PRL: variants seen among roughly 807,000 people sequenced by gnomAD.
PRL encodes the protein prolactin.
Under a neutral mutation model 21.3 loss-of-function variants are expected in PRL, and 24 were observed. The ratio of observed to expected loss-of-function variants is 1.13; its 90% confidence interval spans 0.82 to 1.59. The LOEUF is 1.59. Ranked by LOEUF, PRL falls within the 40% of genes most tolerant of loss-of-function variation. PRL has a pLI of 0.00. For synonymous variants in PRL, 118 were observed against 115.7 expected (o/e 1.02, Z -0.13); for missense variants, 243 against 286.9 (o/e 0.85, Z 1.10).
upstream of PRL, among the ~76,000 whole-genome samples, chr6:22,299,024 T>A (rs1376224341): frequency 2.6e-5 from 4 of 152,188 alleles, no homozygotes; most frequent in African/African-American, 4.8e-5. Flanking sequence ...TTCCTGTGAA[T>A]GGAATATTGA....
intron 4 of PRL, 134 bp from the exon 5 acceptor site, chr6:22,287,727 G>T (rs1760953232): frequency 2.5e-6 from 2 of 785,122 alleles, no homozygotes; most frequent in Non-Finnish European, 3.8e-6. Flanking sequence ...AATGATTTTT[G>T]TATATCTGGG....
At position 22,292,577 on chromosome 6, in the gene PRL, A is replaced by G; in HGVS notation, c.273T>C (p.Leu91=). ...CTTGCTCCTTGTCTTCGGGGGTGGC[A>G]AGGGAAGAAGTGTGGCAGCTGTTGA... ...KAINSCHTSS[L]ATPEDKEQAQ... is the part of the protein sequence containing the mutation. Residue 91 remains leucine, a synonymous_variant, in exon 3 of 5, where the codon CTT becomes CTC. Transcript: ENST00000306482. 1 of 1,614,132 alleles carries G rather than the reference A, an allele frequency of 6.2e-7. No individual in the cohort carries two copies. Among genetic ancestry groups the G allele is most frequent in the East Asian group, 2.2e-5 (1 of 44,860 alleles).
At chr6:22,293,726 C>A (rs1182302240) in intron 2 of PRL, among the ~76,000 whole-genome samples, 4 of 31,446 alleles carry the variant, frequency 1.3e-4, no homozygotes, top group Non-Finnish European at 1.2e-4. Flanking sequence ...AAGGAGGGAA[C>A]AAGGGAGGGA....
chr6:22,302,298 C>A (rs543624177), upstream of PRL, among the ~76,000 whole-genome samples: 1 of 146,598 alleles, frequency 6.8e-6, no homozygotes, highest in African/African-American at 2.5e-5. Context: ...ACACCCAGAA[C>A]ACAAGACATT....
At chr6:22,297,452 A>T, upstream of PRL, 1 of 155,118 alleles carries the variant, frequency 6.4e-6, no homozygotes, top group Non-Finnish European at 1.4e-5. Flanking sequence ...ATTGCTAGGT[A>T]AAGATTTTAA....
chr6:22,288,482 C>T lies in PRL; in HGVS notation c.493-889G>A, dbSNP rs984446169. ...CCCAGGAGGCAGAGATTGTGGTGAG[C>T]CGAGATGACACCACTACACTCCAGC... On this transcript the variant is annotated intron_variant, in intron 4 of 4. Coordinates refer to ENST00000306482, the MANE Select transcript of PRL (RefSeq NM_000948.6). This position sits in a 1 kb window ranked among gnomAD's most constrained non-coding sequence, Gnocchi z 4.5. 3.3e-5 allele frequency among the ~76,000 whole-genome samples: 5 copies of T among 151,806 alleles called. No homozygotes were observed. Among genetic ancestry groups the T allele is most frequent in the Non-Finnish European group, 5.9e-5 (4 of 67,964 alleles).
At chr6:22,298,148 T>C (rs1761215485), upstream of PRL, among the ~76,000 whole-genome samples, 1 of 152,198 alleles carries the variant, frequency 6.6e-6, no homozygotes, top group Admixed American at 6.5e-5. Context: ...GCCAGTAATT[T>C]CCACTCTTTT....
At position 22,294,556 on chromosome 6, in the gene PRL, G is replaced by T. The variant is rs960230895; in HGVS notation, c.57C>A (p.Asn19Lys). Residue 19 changes from asparagine (N) to lysine (K), a missense_variant, in exon 2 of 5, where the codon AAC (asparagine) becomes AAA (lysine). By Grantham distance (94) the Asn-to-Lys change is moderately conservative. Transcript: ENST00000306482. Reference protein sequence around the residue: ...KGSLLLLLVSNLLLCQSVAPL... With the variant: ...KGSLLLLLVSKLLLCQSVAPL... ...GGGCCACGCTCTGGCACAGGAGCAG[G>T]TTTGACACCAGCAGCAGCAGGAGGG... is the stretch of plus-strand genomic sequence containing the variant. 1.9e-6 allele frequency: 3 copies of T among 1,610,276 alleles called. No homozygotes were observed. Among genetic ancestry groups the T allele is most frequent in the East Asian group, 2.2e-5 (1 of 44,798 alleles).
Position 22,294,513 on chromosome 6 carries a change from C to A in PRL, c.100G>T (p.Gly34Cys), listed in dbSNP as rs1306019408. ...QSVAPLPICP[G>C]GAARCQVTLR... ...GTCACCTGGCATCGGGCAGCCCCGC[C>A]GGGACAGATGGGCAAGGGGGCCACG... Residue 34 changes from glycine (G) to cysteine (C), a missense_variant, in exon 2 of 5, where the codon GGC becomes TGC. Physicochemically the swap from Gly to Cys is radical, Grantham distance 159. Transcript: ENST00000306482. 1.9e-6 allele frequency: 3 copies of A among 1,613,924 alleles called. No homozygotes were observed. Among genetic ancestry groups the A allele is most frequent in the Non-Finnish European group, 8.5e-7 (1 of 1,180,012 alleles).
upstream of PRL, among the ~76,000 whole-genome samples, chr6:22,302,280 ACACT>A (rs1761295481): frequency 6.6e-6 from 1 of 151,978 alleles, no homozygotes; most frequent in African/African-American, 2.4e-5. Context: ...ATACGCACAC[ACACT>A]CACACACCCA....
intron 2 of PRL, among the ~76,000 whole-genome samples, chr6:22,293,511 G>A (rs1245006725): frequency 1.3e-5 from 2 of 151,162 alleles, no homozygotes; most frequent in Non-Finnish European, 2.9e-5. Context: ...ACCTAGAAGA[G>A]TTAACCTATG....
At chr6:22,296,479 G>C (rs1761175698) in intron 1 of PRL, among the ~76,000 whole-genome samples, 1 of 152,222 alleles carries the variant, frequency 6.6e-6, no homozygotes, top group Non-Finnish European at 1.5e-5. Flanking sequence ...ATCCACATTA[G>C]AGGCCTGATA....
upstream of PRL, among the ~76,000 whole-genome samples, chr6:22,301,103 C>T (rs1761273991): frequency 6.6e-6 from 1 of 152,140 alleles, no homozygotes; most frequent in Non-Finnish European, 1.5e-5. Context: ...TGAAAGGTTC[C>T]TCACACTTCA....
At chr6:22,292,981 T>C (rs75493272) in intron 2 of PRL, among the ~76,000 whole-genome samples, 7,078 of 152,292 alleles carry the variant, frequency 0.046, 429 homozygotes, top group East Asian at 0.25. Context: ...CATTAAATGT[T>C]GTATTGAGAA....
intron 2 of PRL, among the ~76,000 whole-genome samples, chr6:22,293,455 G>T (rs1761096915): frequency 1.3e-5 from 2 of 152,050 alleles, no homozygotes. Flanking sequence ...CTCTGTGGAG[G>T]CCCTTGATTT....
upstream of PRL, among the ~76,000 whole-genome samples, chr6:22,299,669 T>C (rs796183924): frequency 3.9e-5 from 6 of 152,218 alleles, no homozygotes; most frequent in African/African-American, 1.4e-4. Context: ...TGAAACCCTG[T>C]ATCTACTAAA....
Position 22,288,094 on chromosome 6 carries a change from C to T in PRL, c.493-501G>A, listed in dbSNP as rs138462037. On this transcript the variant is annotated intron_variant, in intron 4 of 4. Coordinates refer to ENST00000306482, the MANE Select transcript of PRL (RefSeq NM_000948.6). The surrounding 1 kb of genome is among the most constrained non-coding windows in gnomAD (Gnocchi z 4.5). The stretch of plus-strand genomic sequence containing the variant: ...ATGAAGATTGTACTCACACTTGATG[C>T]TTTGGGGTACAGATAATTTAGTGAT... Among the ~76,000 whole-genome samples the T allele has an allele frequency of 1.6e-3, 247 of 152,228 alleles. No homozygotes were observed. Among genetic ancestry groups the T allele is most frequent in the Non-Finnish European group, 2.5e-3 (171 of 68,024 alleles).
upstream of PRL, among the ~76,000 whole-genome samples, chr6:22,302,490 G>C (rs1414790726): frequency 6.6e-6 from 1 of 152,092 alleles, no homozygotes; most frequent in East Asian, 1.9e-4. Flanking sequence ...ATCTTGTAGG[G>C]GAGAAGAGAT....
In PRL at chr6:22,290,274, C is replaced by G. The variant is rs1303440095; in HGVS notation, c.392G>C (p.Arg131Pro). The change falls in exon 4 of 5, where the codon CGT becomes CCT. Residue 131 changes from arginine (R) to proline (P), a missense_variant. Arg to Pro is a moderately radical substitution (Grantham distance 103). Coordinates refer to ENST00000306482, the MANE Select transcript of PRL (RefSeq NM_000948.6). ...EPLYHLVTEVRGMQEAPEAIL... is the reference protein window; with the variant it reads ...EPLYHLVTEVPGMQEAPEAIL... Reference sequence around the variant, plus strand: ...AGCCTCCGGGGCTTCTTGCATACCACGTACTTCCGTGACCAGATGATACAG... The same window carrying G: ...AGCCTCCGGGGCTTCTTGCATACCAGGTACTTCCGTGACCAGATGATACAG... 1.6e-5 allele frequency: 26 copies of G among 1,612,580 alleles called. No homozygotes were observed. In the Admixed American group the frequency reaches 4.0e-4, roughly 25 times the overall value.
Sources: allele counts gnomAD v4.1 joint callset (sites outside exome capture counted in the v4.1 genomes callset), GRCh38; gene constraint gnomAD v4.1.1; non-coding constraint Gnocchi (gnomAD v3.1); transcripts MANE v1.5; gene names NCBI Gene and HGNC (gene_info 2026-07-23, HGNC 2026-07-21).